The following SLC38A1 variants were observed in gnomAD, a reference collection of about 807,000 sequenced individuals.
SLC38A1 encodes the protein solute carrier family 38 member 1.
In SLC38A1, 18 loss-of-function variants were observed where a neutral mutation model predicts 60.3. The ratio of observed to expected loss-of-function variants is 0.30; its 90% confidence interval spans 0.21 to 0.44. The LOEUF is 0.44. Among genes scored for constraint, SLC38A1 ranks in the 20% least tolerant of loss-of-function variants. SLC38A1 has a pLI of 1.00. For synonymous variants in SLC38A1, 196 were observed against 212.1 expected (o/e 0.92, Z 0.66); for missense variants, 448 against 587.2 (o/e 0.76, Z 2.45).
intron 14 of SLC38A1, among the ~76,000 whole-genome samples, 159 bp from the exon 15 acceptor site, chr12:46,198,219 G>A (rs1939477564): frequency 6.6e-6 from 1 of 152,118 alleles, no homozygotes; most frequent in African/African-American, 2.4e-5. Context: ...GAAGTACGGG[G>A]GCTTGACTTA....
intron 16 of SLC38A1, chr12:46,197,237 C>T (rs1465937618): frequency 6.4e-6 from 1 of 157,202 alleles, no homozygotes; most frequent in African/African-American, 2.4e-5. Context: ...TGCCTGTAAT[C>T]CCAGCACTGT....
At chr12:46,189,351 A>G (rs918181448) in intron 16 of SLC38A1, among the ~76,000 whole-genome samples, 2 of 152,162 alleles carry the variant, frequency 1.3e-5, no homozygotes, top group African/African-American at 2.4e-5. Flanking sequence ...TATCCATTCT[A>G]CAAATAACTG....
At chr12:46,266,819 A>C (rs1273003611) in intron 1 of SLC38A1, among the ~76,000 whole-genome samples, 2 of 151,906 alleles carry the variant, frequency 1.3e-5, no homozygotes, top group Non-Finnish European at 2.9e-5. Context: ...CTCAAACCAA[A>C]CTATTCCAGT....
chr12:46,200,247 G>A (rs74755486), intron 13 of SLC38A1, among the ~76,000 whole-genome samples: 8,247 of 152,144 alleles, frequency 0.054, 369 homozygotes, highest in African/African-American at 0.12. Flanking sequence ...TGTATAATCA[G>A]AGTAGCCTTT....
chr12:46,251,727 A>G (rs993727347), intron 1 of SLC38A1, among the ~76,000 whole-genome samples: 3 of 152,246 alleles, frequency 2.0e-5, no homozygotes, highest in African/African-American at 7.2e-5. Flanking sequence ...CAACAGACAC[A>G]TGGAAAAAAT....
chr12:46,184,941 A>G lies in SLC38A1; in HGVS notation c.*4029T>C, dbSNP rs921163695. 2.6e-5 allele frequency: 4 copies of G among 152,138 alleles called. No homozygotes were observed. The highest frequency in any genetic ancestry group is 9.7e-5 in the African/African-American group (4 of 41,422). The allele number at this position is 152,138 out of a possible 1,614,324, so 9.4% of individuals were successfully genotyped here. A position where few individuals can be genotyped will look rare whatever the true frequency, so the allele number is the denominator to read the frequency against. On this transcript the variant is annotated 3_prime_UTR_variant, in exon 17 of 17. Coordinates refer to ENST00000398637, the MANE Select transcript of SLC38A1 (RefSeq NM_030674.4). Reference sequence around the variant, plus strand: ...ACCTGCGCTGCTATTTTCAACGAGAAGGGGATAACCAGGTGGCAGCGCTGG... The same window carrying G: ...ACCTGCGCTGCTATTTTCAACGAGAGGGGGATAACCAGGTGGCAGCGCTGG...
intron 1 of SLC38A1, among the ~76,000 whole-genome samples, chr12:46,246,003 A>G (rs1473145054): frequency 6.6e-6 from 1 of 152,184 alleles, no homozygotes; most frequent in Admixed American, 6.5e-5. Context: ...GGATCTTTTA[A>G]AAAATATTAT....
chr12:46,209,745 ACAAT>A (rs1455948919), intron 5 of SLC38A1, among the ~76,000 whole-genome samples: 1 of 152,184 alleles, frequency 6.6e-6, no homozygotes, highest in Admixed American at 6.5e-5. Context: ...GGAAAATTTG[ACAAT>A]CAAGTATAAT....
intron 1 of SLC38A1, among the ~76,000 whole-genome samples, chr12:46,251,829 C>T (rs1386447310): frequency 6.6e-6 from 1 of 151,872 alleles, no homozygotes; most frequent in African/African-American, 2.4e-5. Context: ...TTTAAAAAGT[C>T]AGGAAACAAC....
At chr12:46,234,360 C>A (rs907024141) in intron 3 of SLC38A1, among the ~76,000 whole-genome samples, 2 of 152,106 alleles carry the variant, frequency 1.3e-5, no homozygotes, top group African/African-American at 4.8e-5. Context: ...GTACTTAAAG[C>A]GTCCCTATTC....
In SLC38A1 at chr12:46,198,626, G is replaced by A. The variant is rs1172620872; in HGVS notation, c.1121C>T (p.Thr374Met). 11 of 1,599,576 alleles carry A rather than the reference G, an allele frequency of 6.9e-6. No homozygotes were observed. Among genetic ancestry groups the A allele is most frequent in the East Asian group, 2.2e-5 (1 of 44,558 alleles). ...VILTVPVLFFTVRSSLFELAK... is the reference protein window; with the variant it reads ...VILTVPVLFFMVRSSLFELAK... ...TATTGCACAGAGGCCCTTACTCACC[G>A]TGAAAAATAACACCGGCACTGTGAG... The change falls in exon 14 of 17, where the codon ACG becomes ATG. Residue 374 changes from threonine to methionine, a missense_variant and splice_region_variant. By Grantham distance (81) the Thr-to-Met change is moderately conservative. Transcript: ENST00000398637.
chr12:46,252,996 G>GA (rs71437760), intron 1 of SLC38A1, among the ~76,000 whole-genome samples: 29,939 of 107,016 alleles, frequency 0.28, 4,076 homozygotes, highest in South Asian at 0.44. Context: ...ATCTTTTTTT[G>GA]AAAAAAAAAA....
intron 2 of SLC38A1, among the ~76,000 whole-genome samples, chr12:46,241,290 C>T (rs1194835689): frequency 5.9e-5 from 9 of 152,136 alleles, no homozygotes; most frequent in Admixed American, 1.3e-4. Flanking sequence ...TTTCAAGAAG[C>T]ATCTTACTAA....
rs1374870183 is a variant in SLC38A1, at chr12:46,268,918, G to A, written c.-601C>T. ...GAATCGGAGTCATTCTCCTACTGGG[G>A]GACGCGTGGCCCTTCCGCAACCATG... On this transcript the variant is annotated 5_prime_UTR_variant, in exon 1 of 17. Transcript: ENST00000398637. The surrounding 1 kb of genome is among the most constrained non-coding windows in gnomAD (Gnocchi z 4.4). 2.2e-6 allele frequency: 1 copy of A among 455,516 alleles called. No homozygotes were observed. The allele number at this position is 455,516 out of a possible 1,614,324, so 28.2% of individuals were successfully genotyped here. A position where few individuals can be genotyped will look rare whatever the true frequency, so the allele number is the denominator to read the frequency against.
intron 9 of SLC38A1, among the ~76,000 whole-genome samples, chr12:46,205,309 T>C (rs1939844480): frequency 6.6e-6 from 1 of 152,082 alleles, no homozygotes. Flanking sequence ...AAAAATCTAT[T>C]TATAAACCTC....
chr12:46,255,785 G>A (rs1026179483), intron 1 of SLC38A1, among the ~76,000 whole-genome samples: 3 of 152,164 alleles, frequency 2.0e-5, no homozygotes, highest in Admixed American at 1.3e-4. Flanking sequence ...GCATAGCTAC[G>A]GGGTGTGGCT....
At position 46,207,553 on chromosome 12, in the gene SLC38A1, C is replaced by A; in HGVS notation, c.457G>T (p.Ala153Ser). Reference sequence around the variant, plus strand: ...CCTCCAGTGTTCTGTAGAGAGGTGGCTCCAAAGATTACGAACTTCCCTGTG... The same window carrying A: ...CCTCCAGTGTTCTGTAGAGAGGTGGATCCAAAGATTACGAACTTCCCTGTG... ...GTTGKFVIFG[A>S]TSLQNTGAML... Residue 153 changes from alanine to serine, a missense_variant, in exon 7 of 17, where the codon GCC (alanine) becomes TCC (serine). Ala to Ser is a moderately conservative substitution (Grantham distance 99, BLOSUM62 1). Transcript: ENST00000398637. 1 of 1,613,934 alleles carries A rather than the reference C, an allele frequency of 6.2e-7. No homozygotes were observed. Among genetic ancestry groups the A allele is most frequent in the Non-Finnish European group, 8.5e-7 (1 of 1,179,828 alleles).
chr12:46,200,909 A>G (rs1021224525), intron 13 of SLC38A1, among the ~76,000 whole-genome samples, 189 bp downstream of exon 13: 2 of 152,196 alleles, frequency 1.3e-5, no homozygotes, highest in Non-Finnish European at 2.9e-5. Flanking sequence ...TGTTTGAGTA[A>G]TTATTTTATT....
At position 46,265,434 on chromosome 12, in the gene SLC38A1, G is replaced by A. The variant is rs187650025; in HGVS notation, c.-209+3092C>T. On this transcript the variant is annotated intron_variant, in intron 1 of 16. Coordinates refer to ENST00000398637, the MANE Select transcript of SLC38A1 (RefSeq NM_030674.4). ...AGGTGGAAAAGTGGCATCAGGGATA[G>A]GCCATCACAAGTACACAGGATTTCA... Among the ~76,000 whole-genome samples the A allele has an allele frequency of 6.6e-5, 10 of 152,314 alleles. No individual in the cohort carries two copies. The East Asian group carries it at 1.5e-3, about 23-fold the overall frequency.
Sources: allele counts gnomAD v4.1 joint callset (sites outside exome capture counted in the v4.1 genomes callset), GRCh38; gene constraint gnomAD v4.1.1; non-coding constraint Gnocchi (gnomAD v3.1); transcripts MANE v1.5; gene names NCBI Gene and HGNC (gene_info 2026-07-23, HGNC 2026-07-21).